The following SLC6A16 variants were observed in gnomAD, a reference collection of about 807,000 sequenced individuals.
The protein encoded by SLC6A16 is solute carrier family 6 member 16.
Under a neutral mutation model 65.4 loss-of-function variants are expected in SLC6A16, and 54 were observed. The ratio of observed to expected loss-of-function variants is 0.83; its 90% CI spans 0.66 to 1.04. SLC6A16 has a LOEUF of 1.04. Among genes scored for constraint, SLC6A16 ranks in the 50% least tolerant of loss-of-function variants. SLC6A16 has a pLI of 0.00. For missense variants in SLC6A16, 816 were observed against 914.0 expected (o/e 0.89, Z 1.38); for synonymous variants, 330 against 346.5 (o/e 0.95, Z 0.53).
At chr19:49,313,625 C>CAAAAAAAAAAA (rs902187308) in intron 1 of SLC6A16, among the ~76,000 whole-genome samples, 2 of 47,368 alleles carry the variant, frequency 4.2e-5, no homozygotes, top group Non-Finnish European at 5.0e-5. Context: ...ACTAAAAATG[C>CAAAAAAAAAAA]AAAAAAAAAA....
the SLC6A16 span, chr19:49,340,055 T>C: frequency 2.8e-5 from 42 of 1,504,852 alleles, no homozygotes; most frequent in African/African-American, 1.4e-4. Flanking sequence ...CCCCCACTTG[T>C]AGCAGCTATT....
intron 1 of SLC6A16, among the ~76,000 whole-genome samples, chr19:49,324,836 C>T (rs562711674): frequency 6.6e-6 from 1 of 152,270 alleles, no homozygotes; most frequent in South Asian, 2.1e-4. Context: ...TGAGGAGAGC[C>T]GAAGACAGTT....
At chr19:49,333,489 A>C in the SLC6A16 span, among the ~76,000 whole-genome samples, 1 of 152,210 alleles carries the variant, frequency 6.6e-6, no homozygotes, top group Non-Finnish European at 1.5e-5. Flanking sequence ...CAAAAAAATA[A>C]AAGCTGAGGG....
intron 11 of SLC6A16, 26 bp downstream of exon 11, chr19:49,290,579 G>C: frequency 1.2e-6 from 2 of 1,612,914 alleles, no homozygotes; most frequent in East Asian, 2.2e-5. Context: ...CTCCCAAAGG[G>C]GTTCTGGGTC....
chr19:49,304,636 A>G (rs1427192581), intron 7 of SLC6A16, among the ~76,000 whole-genome samples: 1 of 152,102 alleles, frequency 6.6e-6, no homozygotes, highest in Non-Finnish European at 1.5e-5. Context: ...GTGGTGGCAC[A>G]TGCCTGTAAT....
chr19:49,323,778 C>T (rs1970753880), intron 1 of SLC6A16, among the ~76,000 whole-genome samples: 2 of 152,190 alleles, frequency 1.3e-5, no homozygotes, highest in Admixed American at 6.5e-5. Context: ...TAAAATGGTG[C>T]AACCACCATG....
the SLC6A16 span, chr19:49,339,020 G>GA: frequency 1.8e-6 from 2 of 1,114,678 alleles, no homozygotes; most frequent in South Asian, 2.7e-5. This position sits in a 1 kb window ranked among gnomAD's most constrained non-coding sequence, Gnocchi z 4.5. Flanking sequence ...AGCGGCCTGA[G>GA]AAAGGGCGGG....
At position 49,304,111 on chromosome 19, in the gene SLC6A16, C is replaced by A. The variant is rs187437233; in HGVS notation, c.1229+4765G>T. On this transcript the variant is annotated intron_variant, in intron 7 of 11. Transcript: ENST00000335875. Reference sequence around the variant, plus strand: ...CATGACATTGAGGGACAGGAAAACCCAAATATGAATGATTGATCAGTGATG... The same window carrying A: ...CATGACATTGAGGGACAGGAAAACCAAAATATGAATGATTGATCAGTGATG... Among the ~76,000 whole-genome samples, 9 of 152,250 alleles carry A rather than the reference C, an allele frequency of 5.9e-5. No individual in the cohort carries two copies. The East Asian group carries it at 1.7e-3, about 29-fold the overall frequency.
At chr19:49,328,500 G>A (rs1380926780), upstream of SLC6A16, among the ~76,000 whole-genome samples, 1 of 152,188 alleles carries the variant, frequency 6.6e-6, no homozygotes, top group Non-Finnish European at 1.5e-5. Context: ...AGCCCAGTGA[G>A]GAGGAAATCT....
Position 49,292,864 on chromosome 19 carries a change from T to G in SLC6A16, c.1778+359A>C, listed in dbSNP as rs78292156. On this transcript the variant is annotated intron_variant, in intron 10 of 11. Coordinates refer to ENST00000335875, the MANE Select transcript of SLC6A16 (RefSeq NM_014037.3). This position sits in a 1 kb window ranked among gnomAD's most constrained non-coding sequence, Gnocchi z 4.3. ...GGTGCCCACACACACTCCCACTATG[T>G]GCCATCTGACCTCATCCTTTGATTC... 0.021 allele frequency among the ~76,000 whole-genome samples: 3,131 copies of G among 152,316 alleles called. 114 individuals carry two copies. Among genetic ancestry groups the G allele is most frequent in the African/African-American group, 0.071 (2,937 of 41,554 alleles).
At chr19:49,310,591 T>C in intron 2 of SLC6A16, 81 bp from the exon 3 acceptor site, 6 of 1,500,712 alleles carry the variant, frequency 4.0e-6, no homozygotes, top group Non-Finnish European at 5.5e-6. Flanking sequence ...GAAAACATTC[T>C]CCCTACCAGC....
the SLC6A16 span, chr19:49,337,041 C>T: frequency 2.4e-5 from 38 of 1,612,818 alleles, no homozygotes; most frequent in Admixed American, 3.3e-4. Flanking sequence ...CTGGTGAGTG[C>T]ACCATCCCTC....
chr19:49,319,337 A>G (rs78983418), intron 1 of SLC6A16, among the ~76,000 whole-genome samples: 1,588 of 151,878 alleles, frequency 0.01, 28 homozygotes, highest in African/African-American at 0.037. Context: ...CATTTGTACA[A>G]TGAGATGAAC....
chr19:49,316,536 T>C (rs1021997861), intron 1 of SLC6A16, among the ~76,000 whole-genome samples: 3 of 152,152 alleles, frequency 2.0e-5, no homozygotes, highest in East Asian at 1.9e-4. Context: ...CAGCTAAAAC[T>C]AGAAGATGTC....
At chr19:49,339,667 A>G in the SLC6A16 span, 1 of 1,428,036 alleles carries the variant, frequency 7.0e-7, no homozygotes, top group Non-Finnish European at 9.1e-7. This position sits in a 1 kb window ranked among gnomAD's most constrained non-coding sequence, Gnocchi z 4.5. Context: ...GATGACTGTC[A>G]TGGTGCTGAG....
intron 7 of SLC6A16, among the ~76,000 whole-genome samples, chr19:49,306,346 T>C (rs970588860): frequency 6.6e-6 from 1 of 150,812 alleles, no homozygotes; most frequent in Non-Finnish European, 1.5e-5. Flanking sequence ...ATACACAATA[T>C]GGATAAATAT....
Position 49,290,217 on chromosome 19 carries a change from C to T in SLC6A16, c.2117G>A (p.Ser706Asn). Residue 706 changes from serine (S) to asparagine (N), a missense_variant, in exon 12 of 12, where the codon AGT becomes AAT. Transcript: ENST00000335875. The part of the protein sequence containing the change: ...PMTASTSLPL[S>N]HQLTPSKEVQ... ...CTCTTTACTGGGTGTTAGCTGGTGA[C>T]TTAGGGGTAGGGATGTGGAGGCTGT... The T allele has an allele frequency of 1.9e-6, 3 of 1,614,072 alleles. No homozygotes were observed. The highest frequency in any genetic ancestry group is 2.5e-6 in the Non-Finnish European group (3 of 1,180,012).
At chr19:49,339,075 T>C in the SLC6A16 span, 2 of 749,698 alleles carry the variant, frequency 2.7e-6, no homozygotes, top group South Asian at 1.7e-5. This position sits in a 1 kb window ranked among gnomAD's most constrained non-coding sequence, Gnocchi z 4.5. Context: ...CGGGGCCCTC[T>C]GAAGGGGGCG....
intron 7 of SLC6A16, among the ~76,000 whole-genome samples, chr19:49,298,091 T>C (rs1427524855): frequency 2.6e-5 from 4 of 152,122 alleles, no homozygotes; most frequent in Non-Finnish European, 5.9e-5. Flanking sequence ...AAGTAATCCA[T>C]AGATGCAAGA....
Sources: allele counts gnomAD v4.1 joint callset (sites outside exome capture counted in the v4.1 genomes callset), GRCh38; gene constraint gnomAD v4.1.1; non-coding constraint Gnocchi (gnomAD v3.1); transcripts MANE v1.5; gene names NCBI Gene and HGNC (gene_info 2026-07-23, HGNC 2026-07-21).